Variants in FBXW7 observed in about 807,000 individuals in gnomAD.
FBXW7 encodes F-box/WD repeat-containing protein 7.
A neutral mutation model predicts 86.3 loss-of-function variants in FBXW7; 11 were observed. That is an observed-to-expected ratio of 0.13 (90% confidence interval 0.08 to 0.21). The LOEUF (loss-of-function observed/expected upper bound fraction) is 0.21, where lower values mean the gene tolerates loss of function less well. FBXW7 is among the 10% of genes least tolerant of loss of function. The pLI is 1.00. For missense variants in FBXW7, 488 were observed against 847.4 expected, an observed-to-expected ratio of 0.58 and a Z score of 5.27; for synonymous variants, 313 against 297.9, an observed-to-expected ratio of 1.05 and a Z score of -0.52.
At chr4:152,338,485 AAATAG>A (rs1314775334) in intron 6 of FBXW7, among the ~76,000 whole-genome samples, 7 of 152,104 alleles carry the variant, frequency 4.6e-5, no homozygotes, top group Non-Finnish European at 7.4e-5. Flanking sequence ...ACACAATAGA[AAATAG>A]AATAAACAAT....
At chr4:152,469,701 C>A (rs1160430725) in intron 2 of FBXW7, among the ~76,000 whole-genome samples, 1 of 152,076 alleles carries the variant, frequency 6.6e-6, no homozygotes, top group Non-Finnish European at 1.5e-5. Flanking sequence ...AAAACCATTT[C>A]TTTCCTTGAA....
At chr4:152,372,341 G>A (rs1215971404) in intron 4 of FBXW7, among the ~76,000 whole-genome samples, 2 of 151,826 alleles carry the variant, frequency 1.3e-5, no homozygotes, top group African/African-American at 2.4e-5. Context: ...AAGGTCTCTG[G>A]ATTTAGTTCC....
At chr4:152,374,924 A>T (rs950110883) in intron 4 of FBXW7, among the ~76,000 whole-genome samples, 2 of 151,920 alleles carry the variant, frequency 1.3e-5, no homozygotes, top group African/African-American at 4.8e-5. Flanking sequence ...AACGTTTTAT[A>T]TTTCCGTATG....
intron 2 of FBXW7, among the ~76,000 whole-genome samples, chr4:152,495,182 T>C (rs535777012): frequency 2.6e-3 from 398 of 152,214 alleles, no homozygotes; most frequent in Non-Finnish European, 4.2e-3. Flanking sequence ...TCTGTAATCC[T>C]AGCACTTTGG....
intron 2 of FBXW7, among the ~76,000 whole-genome samples, chr4:152,503,867 G>C (rs1324557851): frequency 6.6e-6 from 1 of 152,090 alleles, no homozygotes; most frequent in Non-Finnish European, 1.5e-5. Context: ...AACAGACTAT[G>C]AAAAGCCCTA....
intron 2 of FBXW7, among the ~76,000 whole-genome samples, chr4:152,516,827 T>C (rs1210182403): frequency 6.6e-6 from 1 of 152,150 alleles, no homozygotes; most frequent in African/African-American, 2.4e-5. Flanking sequence ...TTGTTTCCGC[T>C]TTTTTTGTTT....
At chr4:152,500,699 T>G (rs772802774) in intron 2 of FBXW7, among the ~76,000 whole-genome samples, 73 of 152,080 alleles carry the variant, frequency 4.8e-4, no homozygotes, top group Non-Finnish European at 7.1e-4. Context: ...CAGGGAAGGA[T>G]GGCTTCTGCT....
At chr4:152,395,866 T>C (rs544422163) in intron 4 of FBXW7, among the ~76,000 whole-genome samples, 1 of 152,208 alleles carries the variant, frequency 6.6e-6, no homozygotes, top group South Asian at 2.1e-4. Context: ...AGGTGGTCTA[T>C]GGGTCAAACC....
At chr4:152,447,564 CAA>C (rs1434685084) in intron 2 of FBXW7, among the ~76,000 whole-genome samples, 3 of 152,120 alleles carry the variant, frequency 2.0e-5, no homozygotes, top group African/African-American at 4.8e-5. Context: ...AAAAGGAAAA[CAA>C]AAATTATTTT....
At position 152,435,318 on chromosome 4, in the gene FBXW7, A is replaced by C. The variant is rs114108012; in HGVS notation, c.-119-22789T>G. Among the ~76,000 whole-genome samples, 934 of 152,264 alleles carry C rather than the reference A, an allele frequency of 6.1e-3. 10 individuals are homozygous for C. The highest frequency in any genetic ancestry group is 0.021 in the African/African-American group (892 of 41,544). ...TTCATTCCTTTAACAACTTTGAAAGATTATAAGCCATTCATTTTGTATAAC... is the reference window on the plus strand; with the variant it reads ...TTCATTCCTTTAACAACTTTGAAAGCTTATAAGCCATTCATTTTGTATAAC... On this transcript the variant is annotated intron_variant, in intron 2 of 13. Coordinates refer to ENST00000281708, the MANE Select transcript of FBXW7 (RefSeq NM_001349798.2).
intron 2 of FBXW7, among the ~76,000 whole-genome samples, chr4:152,468,236 A>G (rs1743632337): frequency 6.6e-6 from 1 of 152,142 alleles, no homozygotes; most frequent in South Asian, 2.1e-4. Flanking sequence ...TTCCTCAAAG[A>G]GTTACACACA....
chr4:152,528,647 T>C (rs1171098060), intron 2 of FBXW7, among the ~76,000 whole-genome samples: 1 of 152,184 alleles, frequency 6.6e-6, no homozygotes, highest in African/African-American at 2.4e-5. Flanking sequence ...GATACTTGCA[T>C]GTAAAAATAT....
intron 4 of FBXW7, among the ~76,000 whole-genome samples, chr4:152,396,897 TCA>T (rs1284901238): frequency 6.6e-6 from 1 of 151,992 alleles, no homozygotes; most frequent in Non-Finnish European, 1.5e-5. Context: ...TGTAAGTTCA[TCA>T]ATATTCAAGA....
intron 2 of FBXW7, among the ~76,000 whole-genome samples, chr4:152,425,147 T>C (rs1255501113): frequency 2.0e-5 from 3 of 152,236 alleles, no homozygotes; most frequent in East Asian, 3.9e-4. Flanking sequence ...TCCTAAGGCA[T>C]AGATATGACA....
intron 2 of FBXW7, among the ~76,000 whole-genome samples, chr4:152,419,042 A>G (rs1480825562): frequency 1.3e-5 from 2 of 152,184 alleles, no homozygotes; most frequent in Non-Finnish European, 2.9e-5. Flanking sequence ...GAGCCTGACC[A>G]TATCACCGAG....
intron 4 of FBXW7, among the ~76,000 whole-genome samples, chr4:152,351,971 C>T (rs1318340424): frequency 1.3e-5 from 2 of 152,058 alleles, no homozygotes; most frequent in African/African-American, 4.8e-5. Flanking sequence ...AAATACTGTA[C>T]TGTTTACTGA....
At chr4:152,438,861 A>T (rs1005338541) in intron 2 of FBXW7, among the ~76,000 whole-genome samples, 1 of 152,238 alleles carries the variant, frequency 6.6e-6, no homozygotes, top group Non-Finnish European at 1.5e-5. Flanking sequence ...ATGTCAATAT[A>T]GTAGCAGCAA....
chr4:152,325,155 C>CAATT (rs1335433730), intron 12 of FBXW7: 13 of 152,226 alleles, frequency 8.5e-5, no homozygotes, highest in Admixed American at 3.9e-4. Context: ...CAGGTGCAGC[C>CAATT]AATTCCCCTT....
Position 152,529,474 on chromosome 4 carries a change from G to A in FBXW7, c.-120+5467C>T, listed in dbSNP as rs150646245. The stretch of plus-strand genomic sequence containing the variant: ...AACTAACTAAAAAGTGATCATTATT[G>A]CAAGAGTAATCTCCACCCCTGCCAT... On this transcript the variant is annotated intron_variant, in intron 2 of 13. Transcript: ENST00000281708. 2.0e-3 allele frequency among the ~76,000 whole-genome samples: 307 copies of A among 152,208 alleles called. 1 individual carries two copies. Among genetic ancestry groups the A allele is most frequent in the African/African-American group, 7.1e-3 (294 of 41,534 alleles).
Sources: allele counts gnomAD v4.1 joint callset (sites outside exome capture counted in the v4.1 genomes callset), GRCh38; gene constraint gnomAD v4.1.1; transcripts MANE v1.5; gene names NCBI Gene and HGNC (gene_info 2026-07-23, HGNC 2026-07-21).